Variants in NBPF15 observed in about 807,000 individuals in gnomAD.
NBPF15 encodes NBPF member 15, also known as NBPF family member NBPF15.
A neutral mutation model predicts 62.2 loss-of-function variants in NBPF15; 74 were observed. The ratio of observed to expected loss-of-function variants is 1.19; its 90% CI spans 0.99 to 1.44. The LOEUF (loss-of-function observed/expected upper bound fraction) is 1.44, where lower values mean the gene tolerates loss of function less well. Among genes scored for constraint, NBPF15 ranks in the 40% most tolerant of loss-of-function variants. The probability of loss-of-function intolerance (pLI) is 0.00; values close to 1 mark genes in which losing one functional copy is unlikely to be tolerated. For missense variants in NBPF15, 790 were observed against 550.0 expected (o/e 1.44, Z -4.36); for synonymous variants, 244 against 209.7 (o/e 1.16, Z -1.41).
chr1:144,458,514 C>G (rs1649894038), intron 3 of NBPF15, among the ~76,000 whole-genome samples: 1 of 150,350 alleles, frequency 6.7e-6, no homozygotes, highest in East Asian at 1.9e-4. Flanking sequence ...GCTCTATGCA[C>G]TTATTTTTTA....
At chr1:144,428,273 T>C (rs1221154529) in intron 15 of NBPF15, among the ~76,000 whole-genome samples, 1 of 151,854 alleles carries the variant, frequency 6.6e-6, no homozygotes, top group Non-Finnish European at 1.5e-5. Context: ...GGACACTCTG[T>C]ATTTGTGCTC....
intron 6 of NBPF15, among the ~76,000 whole-genome samples, chr1:144,448,472 A>G: frequency 6.6e-6 from 1 of 152,034 alleles, no homozygotes; most frequent in South Asian, 2.1e-4. Flanking sequence ...AAGGGAGGGG[A>G]CAGACAACAA....
intron 16 of NBPF15, 98 bp downstream of exon 16, chr1:144,427,720 T>G (rs1265873987): frequency 1.6e-6 from 1 of 612,216 alleles, no homozygotes; most frequent in Non-Finnish European, 2.9e-6. Context: ...CCTGTGGCAA[T>G]GACATCTCTC....
chr1:144,424,076 C>A (rs1280707080), intron 20 of NBPF15, 101 bp from the exon 21 acceptor site: 6 of 757,452 alleles, frequency 7.9e-6, no homozygotes, highest in African/African-American at 6.8e-5. Context: ...GGCTCCTCAG[C>A]ATAAGAATAC....
intron 6 of NBPF15, among the ~76,000 whole-genome samples, chr1:144,443,246 A>G (rs1280077616): frequency 2.7e-5 from 4 of 149,862 alleles, no homozygotes; most frequent in East Asian, 3.9e-4. Context: ...AGATTCTACT[A>G]AAAAAAAATC....
chr1:144,426,616 G>A (rs1321554615), intron 17 of NBPF15, among the ~76,000 whole-genome samples, 166 bp from the exon 18 acceptor site: 10 of 150,716 alleles, frequency 6.6e-5, no homozygotes, highest in African/African-American at 2.2e-4. Context: ...CCAGGGCCAG[G>A]TAGAAAAGAA....
intron 6 of NBPF15, among the ~76,000 whole-genome samples, chr1:144,442,162 GTATATA>G (rs368550343): frequency 0.046 from 1,464 of 31,502 alleles, 234 homozygotes; most frequent in African/African-American, 0.16. Flanking sequence ...ATATACACGT[GTATATA>G]TATATATATA....
At chr1:144,434,721 C>T (rs1451846516) in intron 12 of NBPF15, among the ~76,000 whole-genome samples, 16 of 151,656 alleles carry the variant, frequency 1.1e-4, no homozygotes, top group East Asian at 1.9e-4. Context: ...GCCTGAGGAA[C>T]GATATTTCCA....
In NBPF15 at chr1:144,423,194, C is replaced by T. The variant is rs1425046614; in HGVS notation, c.1832G>A (p.Cys611Tyr). 8 of 1,611,432 alleles carry T rather than the reference C, an allele frequency of 5.0e-6. No individual in the cohort carries two copies. The highest frequency in any genetic ancestry group is 3.3e-5 in the South Asian group (3 of 90,974). ...PEVLQDSLDR[C>Y]YSTPSMYFEQ... ...AAAGTACATTGACGGAGTCGAATAA[C>T]ATCTATCCAGTGAGTCCTGTAAGAC... The change falls in exon 22 of 22, where the codon TGT becomes TAT. Residue 611 changes from cysteine to tyrosine, a missense_variant. By Grantham distance (194) the Cys-to-Tyr change is radical. Coordinates refer to ENST00000581897, the MANE Select transcript of NBPF15 (RefSeq NM_001385408.1).
At chr1:144,437,450 T>G (rs368533697) in intron 9 of NBPF15, among the ~76,000 whole-genome samples, 1 of 144,816 alleles carries the variant, frequency 6.9e-6, no homozygotes, top group African/African-American at 2.6e-5. Context: ...ACATAGTGCA[T>G]CTTGCGGCCA....
chr1:144,436,897 G>T lies in NBPF15; in HGVS notation c.491C>A (p.Pro164Gln). ...LTQHLVQKLS[P>Q]ENDNDDDEDV... ...ATCAGGGCCTATGGCCACCTTACCT[G>T]GGCTGAGCTTTTGGACAAGGTGCTG... The change falls in exon 10 of 22, where the codon CCA (proline) becomes CAA (glutamine). Residue 164 changes from proline (P) to glutamine (Q), a missense_variant and splice_region_variant. Physicochemically the swap from Pro to Gln is moderately conservative, Grantham distance 76 (BLOSUM62 -1). Transcript: ENST00000581897. The T allele has an allele frequency of 6.2e-7, 1 of 1,611,872 alleles. No homozygotes were observed. The highest frequency in any genetic ancestry group is 8.5e-7 in the Non-Finnish European group (1 of 1,179,572).
intron 4 of NBPF15, among the ~76,000 whole-genome samples, chr1:144,453,792 G>A (rs1692755074): frequency 7.0e-6 from 1 of 143,390 alleles, no homozygotes; most frequent in African/African-American, 2.6e-5. Context: ...AAACCTATCA[G>A]AATGGCTAAA....
Position 144,422,923 on chromosome 1 carries a change from T to C in NBPF15, c.*90A>G. 1 of 1,611,052 alleles carries C rather than the reference T, an allele frequency of 6.2e-7. No homozygotes were observed. The highest frequency in any genetic ancestry group is 8.5e-7 in the Non-Finnish European group (1 of 1,179,346). On this transcript the variant is annotated 3_prime_UTR_variant, in exon 22 of 22. Coordinates refer to ENST00000581897, the MANE Select transcript of NBPF15 (RefSeq NM_001385408.1). ...TCACTGACCCATCCTATGTCTGGGC[T>C]TCCAAATGGAACTGTACTTTCATTC... is the stretch of plus-strand genomic sequence containing the variant.
chr1:144,427,401 G>T (rs1236431039), intron 16 of NBPF15, among the ~76,000 whole-genome samples: 1 of 142,594 alleles, frequency 7.0e-6, no homozygotes, highest in Admixed American at 7.0e-5. Flanking sequence ...CCCCCAAATG[G>T]TTGCTAGGAG....
In NBPF15 at chr1:144,440,223, G is replaced by A. The variant is rs1343024157; in HGVS notation, c.-118C>T. 3.7e-5 allele frequency: 57 copies of A among 1,521,820 alleles called. No individual in the cohort carries two copies. Among genetic ancestry groups the A allele is most frequent in the South Asian group, 1.1e-4 (9 of 84,004 alleles). The allele number at this position is 1,521,820 out of a possible 1,614,324, so 94.3% of individuals were successfully genotyped here. On this transcript the variant is annotated 5_prime_UTR_variant, in exon 7 of 22. Coordinates refer to ENST00000581897, the MANE Select transcript of NBPF15 (RefSeq NM_001385408.1). Reference sequence around the variant, plus strand: ...AAGGTTCGAGGTGCCTCAACTCAGAGCTGAAAGCACTGTCAGTAGCGCAGA... The same window carrying A: ...AAGGTTCGAGGTGCCTCAACTCAGAACTGAAAGCACTGTCAGTAGCGCAGA...
intron 13 of NBPF15, among the ~76,000 whole-genome samples, chr1:144,431,482 T>A (rs587619904): frequency 2.6e-5 from 4 of 151,604 alleles, no homozygotes; most frequent in African/African-American, 9.7e-5. Flanking sequence ...TATGTATATA[T>A]ATATATATAC....
chr1:144,442,217 T>A (rs1262113921), intron 6 of NBPF15, among the ~76,000 whole-genome samples: 2 of 103,674 alleles, frequency 1.9e-5, no homozygotes, highest in South Asian at 2.9e-4. Context: ...TTAATATATA[T>A]AATATATATA....
chr1:144,455,705 C>G (rs1330389220), intron 4 of NBPF15, among the ~76,000 whole-genome samples: 1 of 151,946 alleles, frequency 6.6e-6, no homozygotes, highest in East Asian at 1.9e-4. Context: ...GGCTCCCACT[C>G]CCCCAGGACC....
At chr1:144,458,395 C>T (rs1294867926) in intron 3 of NBPF15, among the ~76,000 whole-genome samples, 1 of 151,478 alleles carries the variant, frequency 6.6e-6, no homozygotes, top group Non-Finnish European at 1.5e-5. Flanking sequence ...ACACCACATA[C>T]TTCCCTTAAT....
Sources: gnomAD v4.1 joint callset for allele counts (sites outside exome capture counted in the v4.1 genomes callset) on GRCh38, gnomAD v4.1.1 for gene constraint, MANE v1.5 for transcripts, NCBI Gene and HGNC (gene_info 2026-07-23, HGNC 2026-07-21) for gene names.